PARD3B: variants seen among roughly 807,000 people sequenced by gnomAD.
PARD3B encodes the protein partitioning defective 3 homolog B.
In PARD3B, 103 loss-of-function variants were observed where a neutral mutation model predicts 130.2. That is an observed-to-expected ratio of 0.79 (90% CI 0.67 to 0.93). The LOEUF is 0.93. Ranked by LOEUF, PARD3B falls within the 40% of genes least tolerant of loss-of-function variation. PARD3B has a pLI of 0.00. For missense variants in PARD3B, 1,609 were observed against 1,499.2 expected, an observed-to-expected ratio of 1.07 and a Z score of -1.21; for synonymous variants, 583 against 553.2, an observed-to-expected ratio of 1.05 and a Z score of -0.76.
rs1263858908 is a variant in PARD3B at position 204,939,821 on chromosome 2, A to G, written c.223-25331A>G. Among the ~76,000 whole-genome samples, 7 of 152,316 alleles carry G rather than the reference A, an allele frequency of 4.6e-5. No individual in the cohort carries two copies. In the East Asian group the frequency reaches 1.3e-3, roughly 29 times the overall value. On this transcript the variant is annotated intron_variant, in intron 2 of 22. Coordinates refer to ENST00000406610, the MANE Select transcript of PARD3B (RefSeq NM_001302769.2). Reference sequence around the variant, plus strand: ...ACCCTACCACCTATCCCAAATGTATAATAGTCAAAAATGTTTCCTATTTAT... The same window carrying G: ...ACCCTACCACCTATCCCAAATGTATGATAGTCAAAAATGTTTCCTATTTAT...
chr2:204,801,088 A>G (rs1204334871), intron 2 of PARD3B, among the ~76,000 whole-genome samples: 1 of 152,198 alleles, frequency 6.6e-6, no homozygotes, highest in Non-Finnish European at 1.5e-5. Context: ...TTTTGGTACC[A>G]GTACCATGCT....
At chr2:205,188,637 G>C (rs147811525) in intron 14 of PARD3B, among the ~76,000 whole-genome samples, 4 of 152,200 alleles carry the variant, frequency 2.6e-5, no homozygotes, top group East Asian at 3.9e-4. Flanking sequence ...TCCTAGGATC[G>C]TGTGACCTGC....
intron 2 of PARD3B, among the ~76,000 whole-genome samples, chr2:204,949,695 T>A (rs965911415): frequency 2.0e-5 from 3 of 152,222 alleles, no homozygotes; most frequent in Non-Finnish European, 4.4e-5. Flanking sequence ...TAGCATTTTT[T>A]AATTTAAAAC....
intron 3 of PARD3B, among the ~76,000 whole-genome samples, chr2:204,998,536 G>A (rs1253944572): frequency 1.1e-5 from 1 of 94,844 alleles, no homozygotes; most frequent in Non-Finnish European, 2.3e-5. Flanking sequence ...ATATATGTGT[G>A]TATATATATA....
At chr2:205,030,037 C>T (rs1697311330) in intron 3 of PARD3B, among the ~76,000 whole-genome samples, 1 of 152,076 alleles carries the variant, frequency 6.6e-6, no homozygotes, top group African/African-American at 2.4e-5. Context: ...AACTGTTCTG[C>T]AAAACAAAAA....
Position 205,187,112 on chromosome 2 carries a change from T to C in PARD3B, c.2024+1249T>C, listed in dbSNP as rs2036146760. Among the ~76,000 whole-genome samples, 1 of 152,192 alleles carries C rather than the reference T, an allele frequency of 6.6e-6. No individual in the cohort carries two copies. Among genetic ancestry groups the C allele is most frequent in the African/African-American group, 2.4e-5 (1 of 41,456 alleles). On this transcript the variant is annotated intron_variant, in intron 14 of 22. Transcript: ENST00000406610. The surrounding 1 kb of genome is among the most constrained non-coding windows in gnomAD (Gnocchi z 4.9). The stretch of plus-strand genomic sequence containing the variant: ...GTATAGATAAAATGCTCTGAGCATC[T>C]GAGGCAGAGGAGAATGCCTCCAGAT...
chr2:205,329,948 C>T (rs752723831), intron 18 of PARD3B, among the ~76,000 whole-genome samples: 14 of 147,970 alleles, frequency 9.5e-5, no homozygotes, highest in Non-Finnish European at 2.1e-4. Context: ...GAGCCAAGAT[C>T]GCCCCATTGC....
chr2:205,261,892 C>G (rs1407369808), intron 16 of PARD3B, among the ~76,000 whole-genome samples: 3 of 152,148 alleles, frequency 2.0e-5, no homozygotes, highest in Non-Finnish European at 2.9e-5. Flanking sequence ...CTGGAATGCT[C>G]TGCAGAGTGA....
At chr2:204,881,363 C>T (rs1575202416) in intron 2 of PARD3B, among the ~76,000 whole-genome samples, 1 of 152,136 alleles carries the variant, frequency 6.6e-6, no homozygotes, top group Non-Finnish European at 1.5e-5. Context: ...AAGATCTACA[C>T]GTTGATAAAT....
At chr2:205,504,700 A>C (rs533840802) in intron 21 of PARD3B, among the ~76,000 whole-genome samples, 4 of 152,270 alleles carry the variant, frequency 2.6e-5, no homozygotes, top group Non-Finnish European at 5.9e-5. Context: ...ATGCCATCTC[A>C]CACCAGTTAG....
chr2:204,571,041 G>C (rs550689775), intron 1 of PARD3B, among the ~76,000 whole-genome samples: 70 of 152,140 alleles, frequency 4.6e-4, no homozygotes, highest in Admixed American at 9.2e-4. Context: ...AGGTGTATAA[G>C]CTGTTATAAC....
chr2:204,831,070 A>C (rs1442164815), intron 2 of PARD3B, among the ~76,000 whole-genome samples: 1 of 152,222 alleles, frequency 6.6e-6, no homozygotes, highest in African/African-American at 2.4e-5. Context: ...AATAGGCTTC[A>C]CCTATAAAAG....
Position 204,589,395 on chromosome 2 carries a change from A to G in PARD3B, c.120+43276A>G, listed in dbSNP as rs144480197. ...AGGACAAAGTCACTAACAGGCCTCA[A>G]ATGTCACTGTGCCGATTTTGAACTT... On this transcript the variant is annotated intron_variant, in intron 1 of 22. Transcript: ENST00000406610. 1.3e-3 allele frequency among the ~76,000 whole-genome samples: 192 copies of G among 152,314 alleles called. 1 individual carries two copies. The Middle Eastern group carries it at 0.017, about 13-fold the overall frequency.
intron 18 of PARD3B, among the ~76,000 whole-genome samples, chr2:205,339,864 T>C (rs990613661): frequency 1.3e-5 from 2 of 152,142 alleles, no homozygotes; most frequent in African/African-American, 4.8e-5. Flanking sequence ...GAGCTATAAT[T>C]GCTGTGTTCA....
chr2:205,048,678 A>C (rs1388196865), intron 4 of PARD3B: 2 of 152,202 alleles, frequency 1.3e-5, no homozygotes, highest in African/African-American at 4.8e-5. Context: ...TTGGTATAAA[A>C]TATTCTTATC....
At chr2:205,594,686 G>C (rs2054506615) in intron 22 of PARD3B, among the ~76,000 whole-genome samples, 1 of 152,170 alleles carries the variant, frequency 6.6e-6, no homozygotes, top group African/African-American at 2.4e-5. Flanking sequence ...GAAAGCCCTT[G>C]ACTTTGAAGT....
rs760737735 is a variant in PARD3B at position 205,118,933 on chromosome 2, C to G, written c.693C>G (p.Leu231=). ...ATTTTGCATTTAGGATTCTAGGACT[C>G]TTCATCCGAGGCATTGAAGACAACA... The part of the protein sequence containing the change: ...FSSLSGRILG[L]FIRGIEDNSR... Residue 231 remains leucine (L), a synonymous_variant, in exon 7 of 23, where the codon CTC becomes CTG. Coordinates refer to ENST00000406610, the MANE Select transcript of PARD3B (RefSeq NM_001302769.2). The G allele has an allele frequency of 3.7e-6, 6 of 1,600,474 alleles. No individual in the cohort carries two copies. The African/African-American group carries it at 5.4e-5, about 14-fold the overall frequency.
At chr2:204,820,815 T>TCAAAAA in intron 2 of PARD3B, among the ~76,000 whole-genome samples, 1 of 61,428 alleles carries the variant, frequency 1.6e-5, no homozygotes, top group African/African-American at 5.7e-5. Context: ...GACTCTTGTC[T>TCAAAAA]CAAAAACAAA....
chr2:205,346,306 C>T (rs1398991068), intron 18 of PARD3B, among the ~76,000 whole-genome samples: 1 of 152,026 alleles, frequency 6.6e-6, no homozygotes, highest in Non-Finnish European at 1.5e-5. Context: ...GACAATATGG[C>T]TTGCCCATTT....
Sources: allele counts gnomAD v4.1 joint callset (sites outside exome capture counted in the v4.1 genomes callset), GRCh38; gene constraint gnomAD v4.1.1; non-coding constraint Gnocchi (gnomAD v3.1); transcripts MANE v1.5; gene names NCBI Gene and HGNC (gene_info 2026-07-23, HGNC 2026-07-21).